Variants in SCN1A observed in about 807,000 individuals in gnomAD.
The protein encoded by SCN1A is sodium channel protein type 1 subunit alpha.
SCN1A carries 13 observed loss-of-function variants against 193.7 expected under a neutral mutation model. The ratio of observed to expected loss-of-function variants is 0.07; its 90% CI spans 0.04 to 0.11. The LOEUF (loss-of-function observed/expected upper bound fraction) is 0.11. SCN1A is among the 10% of genes least tolerant of loss of function. The pLI is 1.00. For missense variants in SCN1A, 1,432 were observed against 2,451.1 expected, an observed-to-expected ratio of 0.58 and a Z score of 8.78; for synonymous variants, 781 against 843.6, an observed-to-expected ratio of 0.93 and a Z score of 1.29.
intron 7 of SCN1A, 28 bp from the exon 8 acceptor site, chr2:166,052,971 C>G: frequency 6.4e-7 from 1 of 1,574,296 alleles, no homozygotes; most frequent in Non-Finnish European, 8.7e-7. Flanking sequence ...CACACAAACA[C>G]AAAAACAGGA....
chr2:166,036,894 A>T (rs933538093), intron 18 of SCN1A, among the ~76,000 whole-genome samples: 1 of 152,226 alleles, frequency 6.6e-6, no homozygotes, highest in African/African-American at 2.4e-5. Flanking sequence ...ATGCATTTAA[A>T]TGCATTCTAT....
intron 2 of SCN1A, among the ~76,000 whole-genome samples, chr2:166,107,086 T>G (rs1688776222): frequency 1.3e-5 from 2 of 152,172 alleles, no homozygotes; most frequent in Non-Finnish European, 2.9e-5. Flanking sequence ...TCTTTGCCCT[T>G]AACTACTTGT....
chr2:166,033,993 CA>C (rs528821012), intron 19 of SCN1A, among the ~76,000 whole-genome samples: 517 of 151,638 alleles, frequency 3.4e-3, no homozygotes, highest in Non-Finnish European at 4.2e-3. Context: ...AACAATTTTT[CA>C]AAAAATTAGC....
At chr2:165,985,129 G>A (rs1688529500), downstream of SCN1A, 1 of 151,970 alleles carries the variant, frequency 6.6e-6, no homozygotes, top group South Asian at 2.1e-4. Flanking sequence ...AAAATGCAAA[G>A]GCAGACAAAA....
Position 166,042,378 on chromosome 2 carries a change from A to T in SCN1A, c.2090T>A (p.Phe697Tyr). 6.2e-7 allele frequency: 1 copy of T among 1,613,930 alleles called. No homozygotes were observed. The highest frequency in any genetic ancestry group is 1.1e-5 in the South Asian group (1 of 91,080). The change falls in exon 15 of 29, where the codon TTC becomes TAC. Residue 697 changes from phenylalanine to tyrosine, a missense_variant. By Grantham distance (22) the Phe-to-Tyr change is conservative (BLOSUM62 3). This residue lies in a region of SCN1A where 316 missense variants were observed against 362.1 expected (regional missense o/e 0.87). Transcript: ENST00000674923. ...TEMRKRRSSS[F>Y]HVSMDFLEDP... is the part of the protein sequence containing the mutation. ...TTCTAGAAAGTCCATGGAAACGTGG[A>T]AAGAACTTGACCTTCTCTTTCTCAT...
intron 3 of SCN1A, chr2:166,077,185 C>T (rs149714526): frequency 6.5e-4 from 98 of 151,102 alleles, no homozygotes; most frequent in African/African-American, 2.3e-3. Context: ...ACCAAAGGCA[C>T]GATCCATGAA....
rs3812719 is a variant in SCN1A, at chr2:166,053,049, C to A, written c.603-106G>T. 998,789 of 1,421,714 alleles carry A rather than the reference C, an allele frequency of 0.7. 353,248 individuals carry two copies. The highest frequency in any genetic ancestry group is 0.9 in the East Asian group (39,390 of 43,988). The allele number at this position is 1,421,714 out of a possible 1,614,324, so 88.1% of individuals were successfully genotyped here. A position where few individuals can be genotyped will look rare whatever the true frequency, so the allele number is the denominator to read the frequency against. On this transcript the variant is annotated intron_variant, in intron 7 of 28. Transcript: ENST00000674923. ...CTAATCACTTCTTACCTGGAATTAC[C>A]GAAATAGTTTTCAAAGCTCTCAAGA...
At chr2:166,081,638 T>C (rs757471634) in intron 2 of SCN1A, 2 of 151,962 alleles carry the variant, frequency 1.3e-5, no homozygotes, top group Admixed American at 1.3e-4. Context: ...CTTCACACTC[T>C]GATGCCATTG....
At chr2:166,013,988 A>G (rs8191989) in intron 20 of SCN1A, 90 bp from the exon 21 acceptor site, 24,343 of 1,438,068 alleles carry the variant, frequency 0.017, 1,207 homozygotes, top group Admixed American at 0.16. Flanking sequence ...TTTTATTACT[A>G]TGCTCATCTC....
At chr2:166,125,017 A>C (rs1467879354) in intron 2 of SCN1A, among the ~76,000 whole-genome samples, 1 of 152,212 alleles carries the variant, frequency 6.6e-6, no homozygotes, top group Non-Finnish European at 1.5e-5. Flanking sequence ...AAAAGTTGGA[A>C]AAGCAAACTT....
At chr2:166,014,603 A>G (rs1693009455) in intron 20 of SCN1A, among the ~76,000 whole-genome samples, 1 of 150,910 alleles carries the variant, frequency 6.6e-6, no homozygotes, top group Non-Finnish European at 1.5e-5. Flanking sequence ...AAAAAAAAAA[A>G]AAAGAAAAAG....
At position 165,989,400 on chromosome 2, in the gene SCN1A, A is replaced by G. The variant is rs951786057; in HGVS notation, c.*1845T>C. ...AAAAAAATTATGAAGCCCACATTCTATTTAGAACAATCTAGAGCAGCATTA... is the reference window on the plus strand; with the variant it reads ...AAAAAAATTATGAAGCCCACATTCTGTTTAGAACAATCTAGAGCAGCATTA... On this transcript the variant is annotated 3_prime_UTR_variant, in exon 29 of 29. Coordinates refer to ENST00000674923, the MANE Select transcript of SCN1A (RefSeq NM_001165963.4). 5 of 152,480 alleles carry G rather than the reference A, an allele frequency of 3.3e-5. No homozygotes were observed. The highest frequency in any genetic ancestry group is 5.9e-5 in the Non-Finnish European group (4 of 68,000). 9.4% of individuals were successfully genotyped at this position (152,480 alleles called of 1,614,324 possible).
chr2:166,069,670 T>C (rs1684211563), intron 4 of SCN1A, among the ~76,000 whole-genome samples: 1 of 152,228 alleles, frequency 6.6e-6, no homozygotes, highest in African/African-American at 2.4e-5. Flanking sequence ...ATTTTTACAA[T>C]TGGCTTGTTT....
chr2:166,060,172 C>T (rs1275658524), intron 4 of SCN1A: 3 of 152,148 alleles, frequency 2.0e-5, no homozygotes, highest in Non-Finnish European at 4.4e-5. Flanking sequence ...AAGCACTGCT[C>T]CAAGTCTCAC....
intron 1 of SCN1A, among the ~76,000 whole-genome samples, chr2:166,136,410 T>C (rs904071644): frequency 6.8e-5 from 9 of 133,296 alleles, no homozygotes; most frequent in African/African-American, 2.8e-4. Context: ...TAAGATTACA[T>C]ATCATATATA....
At chr2:166,073,268 T>C in intron 4 of SCN1A, 90 bp downstream of exon 4, 2 of 1,462,670 alleles carry the variant, frequency 1.4e-6, no homozygotes, top group South Asian at 2.4e-5. Context: ...CTTAAGATTT[T>C]GTGCTAATTT....
At chr2:166,069,899 C>T (rs1478972646) in intron 4 of SCN1A, among the ~76,000 whole-genome samples, 1 of 152,122 alleles carries the variant, frequency 6.6e-6, no homozygotes, top group Admixed American at 6.6e-5. Context: ...ACTGTTTGAC[C>T]ATTTAGCTGT....
chr2:165,997,972 G>A, intron 26 of SCN1A, 66 bp downstream of exon 26: 2 of 1,299,966 alleles, frequency 1.5e-6, no homozygotes, highest in East Asian at 2.3e-5. Flanking sequence ...TACTCATTTG[G>A]CAGAGAAAAC....
In SCN1A at chr2:166,036,417, G is replaced by A; in HGVS notation, c.3060C>T (p.His1020=). 1 of 1,603,742 alleles carries A rather than the reference G, an allele frequency of 6.2e-7. No homozygotes were observed. Residue 1020 remains histidine, a synonymous_variant, in exon 19 of 29, where the codon CAC becomes CAT. Coordinates refer to ENST00000674923, the MANE Select transcript of SCN1A (RefSeq NM_001165963.4). ...NNLQIAVDRM[H]KGVAYVKRKI... ...TTCTTTTCACATAAGCTACTCCTTT[G>A]TGCATCCTATCCACAGCAATTTGGA...
Sources: allele counts gnomAD v4.1 joint callset (sites outside exome capture counted in the v4.1 genomes callset), GRCh38; gene constraint gnomAD v4.1.1; regional missense constraint gnomAD v4.1.1; transcripts MANE v1.5; gene names NCBI Gene and HGNC (gene_info 2026-07-23, HGNC 2026-07-21).